Variants in CACNA2D1 observed in about 807,000 individuals in gnomAD.
CACNA2D1 encodes the protein voltage-dependent calcium channel subunit alpha-2/delta-1.
In CACNA2D1, 53 loss-of-function variants were observed where a neutral mutation model predicts 171.5. The observed-to-expected ratio is 0.31, with a 90% confidence interval of 0.25 to 0.39. The LOEUF is 0.39. CACNA2D1 is among the 10% of genes least tolerant of loss of function. CACNA2D1 has a pLI of 1.00. For missense variants in CACNA2D1, 903 were observed against 1,299.8 expected, an observed-to-expected ratio of 0.69 and a Z score of 4.69; for synonymous variants, 442 against 443.1, an observed-to-expected ratio of 1.00 and a Z score of 0.03.
chr7:82,054,545 T>C (rs937837556), intron 10 of CACNA2D1, among the ~76,000 whole-genome samples: 12 of 152,252 alleles, frequency 7.9e-5, no homozygotes, highest in African/African-American at 2.9e-4. Flanking sequence ...TGCCTTGTTT[T>C]AATTCCCACA....
chr7:82,213,589 C>A lies in CACNA2D1; in HGVS notation c.295-42980G>T, dbSNP rs1343366348. On this transcript the variant is annotated intron_variant, in intron 3 of 38. Coordinates refer to ENST00000356860, the MANE Select transcript of CACNA2D1 (RefSeq NM_000722.4). ...TTCAATTAAATAATAGAATAATGCA[C>A]ACCTAAAATACAAATTTGATTATGC... Among the ~76,000 whole-genome samples, 64 of 152,282 alleles carry A rather than the reference C, an allele frequency of 4.2e-4. 1 individual carries two copies. The East Asian group carries it at 0.011, about 27-fold the overall frequency.
chr7:82,163,491 A>G (rs1235343791), intron 4 of CACNA2D1, among the ~76,000 whole-genome samples: 2 of 152,170 alleles, frequency 1.3e-5, no homozygotes, highest in East Asian at 1.9e-4. Context: ...GCATACAGAC[A>G]TTGAGAAGAT....
chr7:82,051,353 G>T (rs1234271440), intron 10 of CACNA2D1, among the ~76,000 whole-genome samples: 1 of 151,920 alleles, frequency 6.6e-6, no homozygotes, highest in Non-Finnish European at 1.5e-5. Flanking sequence ...TTTATAAACT[G>T]TCACTTCTAG....
chr7:82,273,120 T>C (rs1467953391), intron 3 of CACNA2D1, among the ~76,000 whole-genome samples: 1 of 152,184 alleles, frequency 6.6e-6, no homozygotes, highest in Non-Finnish European at 1.5e-5. Context: ...ATTTGTTATC[T>C]ACCAACTTCG....
chr7:82,249,384 G>A (rs190661022), intron 3 of CACNA2D1, among the ~76,000 whole-genome samples: 13 of 152,248 alleles, frequency 8.5e-5, no homozygotes, highest in African/African-American at 2.2e-4. Context: ...ACAATAATCC[G>A]GGAATGGAAT....
At chr7:82,172,407 A>G (rs1796105322) in intron 3 of CACNA2D1, among the ~76,000 whole-genome samples, 1 of 151,908 alleles carries the variant, frequency 6.6e-6, no homozygotes, top group Non-Finnish European at 1.5e-5. Flanking sequence ...GTATGGGAAG[A>G]TAAGGAAAGA....
chr7:82,141,710 A>G (rs1022927026), intron 4 of CACNA2D1, among the ~76,000 whole-genome samples: 1 of 152,242 alleles, frequency 6.6e-6, no homozygotes, highest in East Asian at 1.9e-4. Flanking sequence ...GTTGGATGAC[A>G]TGACCACATA....
chr7:82,270,672 G>A (rs1808501438), intron 3 of CACNA2D1, among the ~76,000 whole-genome samples: 1 of 152,014 alleles, frequency 6.6e-6, no homozygotes, highest in African/African-American at 2.4e-5. Flanking sequence ...CACATCTAAT[G>A]TATTTAAGTT....
In CACNA2D1 at chr7:82,398,472, T is replaced by C. The variant is rs1825976879; in HGVS notation, c.95+44893A>G. On this transcript the variant is annotated intron_variant, in intron 1 of 38. Coordinates refer to ENST00000356860, the MANE Select transcript of CACNA2D1 (RefSeq NM_000722.4). ...TACTCACACTAACATATCCACAGAATTGAAATGCTGTTGTTACACACAACA... is the reference window on the plus strand; with the variant it reads ...TACTCACACTAACATATCCACAGAACTGAAATGCTGTTGTTACACACAACA... Among the ~76,000 whole-genome samples, 4 of 152,310 alleles carry C rather than the reference T, an allele frequency of 2.6e-5. 1 individual carries two copies. Among genetic ancestry groups the C allele is most frequent in the African/African-American group, 4.8e-5 (2 of 41,578 alleles).
intron 3 of CACNA2D1, among the ~76,000 whole-genome samples, chr7:82,260,514 T>C (rs976367189): frequency 3.9e-5 from 6 of 152,350 alleles, no homozygotes; most frequent in Non-Finnish European, 5.9e-5. Context: ...TGGTTAACCC[T>C]AAGCAAACTT....
At chr7:82,300,336 G>A (rs1033187633) in intron 3 of CACNA2D1, among the ~76,000 whole-genome samples, 2 of 151,812 alleles carry the variant, frequency 1.3e-5, no homozygotes, top group Non-Finnish European at 2.9e-5. Context: ...GATCATAGAA[G>A]GACTCATAGC....
chr7:82,312,169 A>C (rs1814551889), intron 3 of CACNA2D1, among the ~76,000 whole-genome samples: 1 of 152,218 alleles, frequency 6.6e-6, no homozygotes. Flanking sequence ...TAATAAGACT[A>C]AAACGTATTT....
intron 3 of CACNA2D1, among the ~76,000 whole-genome samples, chr7:82,326,287 A>G (rs1816636897): frequency 1.3e-5 from 2 of 152,318 alleles, no homozygotes; most frequent in African/African-American, 4.8e-5. Context: ...ACATTTGCTT[A>G]TATCAATTAG....
intron 3 of CACNA2D1, among the ~76,000 whole-genome samples, chr7:82,303,967 A>T (rs1813374574): frequency 6.6e-6 from 1 of 152,188 alleles, no homozygotes; most frequent in African/African-American, 2.4e-5. Context: ...TTAATCTGAC[A>T]AGGGACTAAT....
intron 3 of CACNA2D1, among the ~76,000 whole-genome samples, chr7:82,256,524 T>C (rs1051817627): frequency 1.3e-5 from 2 of 152,204 alleles, no homozygotes; most frequent in Admixed American, 1.3e-4. Context: ...CATGTAATCA[T>C]TGCATGCCTA....
chr7:82,257,425 T>C (rs533783566), intron 3 of CACNA2D1, among the ~76,000 whole-genome samples: 1 of 152,360 alleles, frequency 6.6e-6, no homozygotes, highest in Admixed American at 6.5e-5. Context: ...CATACGCATC[T>C]TGGGATAATT....
intron 4 of CACNA2D1, among the ~76,000 whole-genome samples, chr7:82,162,123 T>C (rs1795004874): frequency 6.6e-6 from 1 of 152,066 alleles, no homozygotes; most frequent in Non-Finnish European, 1.5e-5. Flanking sequence ...GAGGTAGTTG[T>C]TAACTACAAA....
At chr7:82,041,394 G>A (rs1442528388) in intron 10 of CACNA2D1, among the ~76,000 whole-genome samples, 1 of 152,130 alleles carries the variant, frequency 6.6e-6, no homozygotes, top group Non-Finnish European at 1.5e-5. Context: ...GAAGCTGACC[G>A]AGCCAGGTGG....
chr7:82,060,211 A>ATT (rs374742133), intron 10 of CACNA2D1, among the ~76,000 whole-genome samples: 6,872 of 30,604 alleles, frequency 0.22, 1,772 homozygotes, highest in African/African-American at 0.41. Context: ...TTATATATAT[A>ATT]ATATATATAT....
Sources: allele counts gnomAD v4.1 joint callset (sites outside exome capture counted in the v4.1 genomes callset), GRCh38; gene constraint gnomAD v4.1.1; transcripts MANE v1.5; gene names NCBI Gene and HGNC (gene_info 2026-07-23, HGNC 2026-07-21).